The following NFAT5 variants were observed in gnomAD, a reference collection of about 807,000 sequenced individuals.
NFAT5 encodes nuclear factor of activated T cells 5.
NFAT5 carries 31 observed loss-of-function variants against 166.5 expected under a neutral mutation model. That is an observed-to-expected ratio of 0.19 (90% CI 0.14 to 0.25). The LOEUF (loss-of-function observed/expected upper bound fraction) is 0.25, where lower values mean the gene tolerates loss of function less well. Among genes scored for constraint, NFAT5 ranks in the 10% least tolerant of loss-of-function variants. NFAT5 has a pLI of 1.00. For synonymous variants in NFAT5, 612 were observed against 639.7 expected, an observed-to-expected ratio of 0.96 and a Z score of 0.65; for missense variants, 1,449 against 1,821.8, an observed-to-expected ratio of 0.80 and a Z score of 3.72.
intron 4 of NFAT5, chr16:69,648,677 T>C: frequency 1.0e-6 from 1 of 967,848 alleles, no homozygotes. Context: ...TGCTAGACTT[T>C]TAAATTAGAT....
At chr16:69,598,159 G>T (rs1404207668) in intron 2 of NFAT5, among the ~76,000 whole-genome samples, 17 of 151,976 alleles carry the variant, frequency 1.1e-4, no homozygotes. Context: ...GAGGCGGGAG[G>T]ATAGCTTGAG....
At chr16:69,668,706 T>G (rs1386920074) in intron 7 of NFAT5, among the ~76,000 whole-genome samples, 1 of 152,016 alleles carries the variant, frequency 6.6e-6, no homozygotes, top group Non-Finnish European at 1.5e-5. Flanking sequence ...TGAGACGAAG[T>G]CTTGCTGTGT....
intron 2 of NFAT5, among the ~76,000 whole-genome samples, chr16:69,575,174 T>G (rs1183517403): frequency 3.3e-5 from 5 of 152,158 alleles, no homozygotes; most frequent in African/African-American, 1.2e-4. Context: ...CTTATTTATT[T>G]ATTTATTTAT....
At chr16:69,583,047 T>A (rs1244157311) in intron 2 of NFAT5, among the ~76,000 whole-genome samples, 3 of 151,704 alleles carry the variant, frequency 2.0e-5, no homozygotes, top group African/African-American at 7.2e-5. Flanking sequence ...ACAATTATTT[T>A]AAAAATTTAT....
At chr16:69,612,995 A>C (rs2033774720) in intron 2 of NFAT5, among the ~76,000 whole-genome samples, 1 of 152,206 alleles carries the variant, frequency 6.6e-6, no homozygotes, top group Admixed American at 6.5e-5. Flanking sequence ...GAAGTCCCAT[A>C]GGCATCCAAA....
intron 2 of NFAT5, among the ~76,000 whole-genome samples, chr16:69,569,093 T>G (rs2016279988): frequency 6.6e-6 from 1 of 152,128 alleles, no homozygotes; most frequent in Admixed American, 6.5e-5. Context: ...CTGGAAATGT[T>G]AATAGAGTCT....
At chr16:69,638,428 A>G (rs1359342676) in intron 3 of NFAT5, among the ~76,000 whole-genome samples, 3 of 151,038 alleles carry the variant, frequency 2.0e-5, no homozygotes, top group Non-Finnish European at 3.0e-5. Context: ...TTGTTTAATC[A>G]TATCTTAAAA....
chr16:69,678,465 G>A (rs1239266590), intron 10 of NFAT5, among the ~76,000 whole-genome samples: 2 of 151,872 alleles, frequency 1.3e-5, no homozygotes, highest in African/African-American at 2.4e-5. Flanking sequence ...CACCTGCCTC[G>A]GCCTCCCAAA....
intron 3 of NFAT5, among the ~76,000 whole-genome samples, chr16:69,645,571 G>A (rs2035404252): frequency 6.6e-6 from 1 of 151,748 alleles, no homozygotes; most frequent in African/African-American, 2.4e-5. Context: ...CAGATCTTTG[G>A]CACTTGGCTT....
At chr16:69,682,432 A>ACC (rs79715784) in intron 10 of NFAT5, among the ~76,000 whole-genome samples, 3 of 131,988 alleles carry the variant, frequency 2.3e-5, no homozygotes, top group Non-Finnish European at 3.3e-5. Flanking sequence ...ATATAGTGAG[A>ACC]CCCCCCCCCC....
intron 2 of NFAT5, among the ~76,000 whole-genome samples, chr16:69,625,958 A>T (rs937792647): frequency 6.6e-6 from 1 of 150,838 alleles, no homozygotes; most frequent in Non-Finnish European, 1.5e-5. Context: ...AAAAAATAAA[A>T]AAATTTTTTT....
intron 11 of NFAT5, among the ~76,000 whole-genome samples, chr16:69,690,200 C>G (rs1241266837): frequency 6.6e-6 from 1 of 151,984 alleles, no homozygotes; most frequent in Non-Finnish European, 1.5e-5. Context: ...TATGTTGCCT[C>G]TAGGTATAAA....
chr16:69,642,254 T>G (rs1050695882), intron 3 of NFAT5, among the ~76,000 whole-genome samples: 1 of 152,236 alleles, frequency 6.6e-6, no homozygotes, highest in African/African-American at 2.4e-5. Flanking sequence ...ATAGTTTCCA[T>G]CAATTCTTAA....
Position 69,695,526 on chromosome 16 carries a change from A to T in NFAT5, c.*8+147A>T. On this transcript the variant is annotated intron_variant, in intron 14 of 14. Coordinates refer to ENST00000349945, the MANE Select transcript of NFAT5 (RefSeq NM_138713.4). The stretch of plus-strand genomic sequence containing the variant: ...TTTTACTCTGAATAAAATTATTCTG[A>T]ATGATAGCTTATGGTCATATAGTTA... 18 of 643,354 alleles carry T rather than the reference A, an allele frequency of 2.8e-5. No homozygotes were observed. In the South Asian group the frequency reaches 3.5e-4, roughly 13 times the overall value. The allele number at this position is 643,354 out of a possible 1,614,324, so 39.9% of individuals were successfully genotyped here.
At chr16:69,676,510 A>AT (rs1164293880) in intron 9 of NFAT5, among the ~76,000 whole-genome samples, 3 of 152,000 alleles carry the variant, frequency 2.0e-5, no homozygotes, top group African/African-American at 7.3e-5. Flanking sequence ...TGGTGGGCAT[A>AT]TTTTTTTTCT....
chr16:69,671,689 C>T (rs968460541), intron 9 of NFAT5, among the ~76,000 whole-genome samples: 2 of 152,122 alleles, frequency 1.3e-5, no homozygotes, highest in African/African-American at 4.8e-5. Flanking sequence ...AGTTTTACAA[C>T]AAAAGGACAG....
intron 2 of NFAT5, among the ~76,000 whole-genome samples, chr16:69,578,932 T>C (rs1206846446): frequency 1.3e-5 from 2 of 151,670 alleles, no homozygotes; most frequent in African/African-American, 4.8e-5. Flanking sequence ...TGGAGTGCAG[T>C]GGCGTAATCT....
At chr16:69,662,161 A>G (rs2036173397) in intron 7 of NFAT5, among the ~76,000 whole-genome samples, 1 of 152,198 alleles carries the variant, frequency 6.6e-6, no homozygotes, top group African/African-American at 2.4e-5. Flanking sequence ...AGTACAGTGG[A>G]AACATAGTAA....
chr16:69,648,145 C>CA, intron 4 of NFAT5: 1 of 893,578 alleles, frequency 1.1e-6, no homozygotes, highest in Non-Finnish European at 1.3e-6. Flanking sequence ...CACTGTACTC[C>CA]AGCCTGGGCG....
Sources: gnomAD v4.1 joint callset for allele counts (sites outside exome capture counted in the v4.1 genomes callset) on GRCh38, gnomAD v4.1.1 for gene constraint, MANE v1.5 for transcripts, NCBI Gene and HGNC (gene_info 2026-07-23, HGNC 2026-07-21) for gene names.